LAMB4: variants seen among roughly 807,000 people sequenced by gnomAD.
LAMB4 encodes laminin subunit beta-4.
LAMB4 carries 196 observed loss-of-function variants against 199.2 expected under a neutral mutation model. The observed-to-expected ratio is 0.98, with a 90% CI of 0.88 to 1.11. LAMB4 has a LOEUF of 1.11. LAMB4 is among the 50% of genes least tolerant of loss of function. The probability of loss-of-function intolerance (pLI) is 0.00; values close to 1 mark genes in which losing one functional copy is unlikely to be tolerated. For synonymous variants in LAMB4, 744 were observed against 770.6 expected, an observed-to-expected ratio of 0.97 and a Z score of 0.57; for missense variants, 2,080 against 2,171.2, an observed-to-expected ratio of 0.96 and a Z score of 0.83.
At position 108,104,569 on chromosome 7, in the gene LAMB4, C is replaced by G. The variant is rs778916207; in HGVS notation, c.921G>C (p.Glu307Asp). 1.2e-6 allele frequency: 2 copies of G among 1,614,238 alleles called. No individual in the cohort carries two copies. The highest frequency in any genetic ancestry group is 1.7e-6 in the Non-Finnish European group (2 of 1,180,044). ...CQHNTDGPNCERCKDFFQDAP... is the reference protein window; with the variant it reads ...CQHNTDGPNCDRCKDFFQDAP... ...CATCCTGGAAGAAGTCCTTGCATCT[C>G]TCACAGTTCGGACCATCTGTATTGT... The change falls in exon 9 of 34, where the codon GAG (glutamate) becomes GAC (aspartate). Residue 307 changes from glutamate (E) to aspartate (D), a missense_variant. Coordinates refer to ENST00000388781, the MANE Select transcript of LAMB4 (RefSeq NM_007356.3).
chr7:108,067,582 G>C (rs1188636765), intron 19 of LAMB4, among the ~76,000 whole-genome samples: 1 of 152,208 alleles, frequency 6.6e-6, no homozygotes, highest in African/African-American at 2.4e-5. Context: ...CTCATTGGGA[G>C]AAGTCTTGTC....
intron 6 of LAMB4, among the ~76,000 whole-genome samples, chr7:108,106,883 C>CAGAAGAGACCCTGATCTTACA (rs1221523741): frequency 6.6e-6 from 1 of 152,136 alleles, no homozygotes; most frequent in African/African-American, 2.4e-5. Flanking sequence ...TGCACTCTTA[C>CAGAAGAGACCCTGATCTTACA]AGAAGAGACC....
chr7:108,031,663 AT>A (rs1026200593), intron 31 of LAMB4, among the ~76,000 whole-genome samples: 48 of 152,154 alleles, frequency 3.2e-4, no homozygotes, highest in African/African-American at 1.0e-3. Flanking sequence ...CTGCAAGTTG[AT>A]TTTCTAAAAT....
At chr7:108,025,469 C>T (rs1369233268) in intron 33 of LAMB4, among the ~76,000 whole-genome samples, 9 of 138,708 alleles carry the variant, frequency 6.5e-5, no homozygotes, top group African/African-American at 2.8e-4. Context: ...GCTCTTGTTG[C>T]CCAGGCTGGA....
the LAMB4 span, among the ~76,000 whole-genome samples, chr7:108,014,604 T>A: frequency 2.0e-5 from 3 of 152,224 alleles, no homozygotes; most frequent in African/African-American, 7.2e-5. Flanking sequence ...ATTTATTTGC[T>A]GTATACAATG....
At chr7:108,114,196 C>T (rs935646599) in intron 3 of LAMB4, among the ~76,000 whole-genome samples, 5 of 152,072 alleles carry the variant, frequency 3.3e-5, no homozygotes, top group African/African-American at 4.8e-5. Flanking sequence ...CTGAGGCAGA[C>T]GGATCACTTT....
At chr7:108,072,155 TC>T (rs984892419) in intron 17 of LAMB4, among the ~76,000 whole-genome samples, 3 of 152,186 alleles carry the variant, frequency 2.0e-5, no homozygotes, top group African/African-American at 7.2e-5. Flanking sequence ...TTTTGAAAGT[TC>T]CATTGGATAT....
chr7:108,107,578 T>A, intron 6 of LAMB4, 53 bp downstream of exon 6: 1 of 1,362,606 alleles, frequency 7.3e-7, no homozygotes, highest in Non-Finnish European at 1.0e-6. Flanking sequence ...AAGTTAATTA[T>A]ACTTTTTAAA....
rs1252073628 is a variant in LAMB4 at position 108,107,774 on chromosome 7, C to T, written c.448G>A (p.Gly150Arg). ...AMLVERSTDY[G>R]HNWKVFKYFA... is the part of the protein sequence containing the mutation. ...TATTTGAACACTTTCCAGTTGTGTCCATAGTCTGTGGAACGTTCAACTAAC... is the reference window on the plus strand; with the variant it reads ...TATTTGAACACTTTCCAGTTGTGTCTATAGTCTGTGGAACGTTCAACTAAC... The change falls in exon 6 of 34, where the codon GGA becomes AGA. Residue 150 changes from glycine (G) to arginine (R), a missense_variant. Transcript: ENST00000388781. 3 of 1,611,450 alleles carry T rather than the reference C, an allele frequency of 1.9e-6. No individual in the cohort carries two copies. The highest frequency in any genetic ancestry group is 2.7e-5 in the African/African-American group (2 of 74,758).
intron 5 of LAMB4, 45 bp downstream of exon 5, chr7:108,109,126 T>C (rs2038127879): frequency 1.5e-6 from 2 of 1,353,734 alleles, no homozygotes; most frequent in East Asian, 2.3e-5. Flanking sequence ...CACTGAGCAT[T>C]TAGGGAATAG....
rs370747999 is a variant in LAMB4, at chr7:108,068,026, G to A, written c.2436C>T (p.His812=). Residue 812 remains histidine, a synonymous_variant, in exon 19 of 34, where the codon CAC becomes CAT. Coordinates refer to ENST00000388781, the MANE Select transcript of LAMB4 (RefSeq NM_007356.3). ...CSTGSYDLGH[H]GCHPCHCHPQ... ...TGTTTTGCTACGTACGGTGACAGCC[G>A]TGATGCCCCAAATCATAGCTTCCAG... 118 of 1,614,044 alleles carry A rather than the reference G, an allele frequency of 7.3e-5. No individual in the cohort carries two copies. Among genetic ancestry groups the A allele is most frequent in the African/African-American group, 2.3e-4 (17 of 74,920 alleles).
intron 17 of LAMB4, among the ~76,000 whole-genome samples, chr7:108,071,784 C>A (rs1584683696): frequency 6.6e-6 from 1 of 152,222 alleles, no homozygotes; most frequent in African/African-American, 2.4e-5. Flanking sequence ...ACAGTGGCAG[C>A]TGAACAGATG....
chr7:108,047,029 A>G (rs1386483019), intron 28 of LAMB4, among the ~76,000 whole-genome samples: 1 of 152,008 alleles, frequency 6.6e-6, no homozygotes, highest in Non-Finnish European at 1.5e-5. Context: ...GGCCTCCCAA[A>G]GTGCTAGGAT....
intron 10 of LAMB4, among the ~76,000 whole-genome samples, chr7:108,099,204 T>C (rs970709609): frequency 6.6e-6 from 1 of 152,144 alleles, no homozygotes; most frequent in Non-Finnish European, 1.5e-5. Context: ...CTTGGTTTTG[T>C]TGGGGGGAAA....
At chr7:108,105,473 A>T (rs556636198) in intron 8 of LAMB4, among the ~76,000 whole-genome samples, 2 of 152,236 alleles carry the variant, frequency 1.3e-5, no homozygotes, top group Non-Finnish European at 2.9e-5. Flanking sequence ...GTTGGCAAAA[A>T]CAGCACTTTT....
At chr7:108,050,338 T>G (rs150994506) in intron 26 of LAMB4, among the ~76,000 whole-genome samples, 18 of 152,324 alleles carry the variant, frequency 1.2e-4, no homozygotes, top group African/African-American at 4.1e-4. Context: ...ATGATCATAT[T>G]CATTTTCAAA....
intron 19 of LAMB4, among the ~76,000 whole-genome samples, chr7:108,067,437 T>C (rs990460259): frequency 1.3e-5 from 2 of 152,256 alleles, no homozygotes; most frequent in Non-Finnish European, 2.9e-5. Context: ...GAGAGAACTA[T>C]ATACCTGAAC....
intron 1 of LAMB4, among the ~76,000 whole-genome samples, chr7:108,129,409 A>G (rs1299077988): frequency 2.6e-5 from 4 of 152,252 alleles, no homozygotes; most frequent in Non-Finnish European, 5.9e-5. Flanking sequence ...GACAGTTCTC[A>G]GAAATCTTGT....
chr7:108,101,925 A>G (rs1001067790), intron 10 of LAMB4, among the ~76,000 whole-genome samples: 1 of 152,250 alleles, frequency 6.6e-6, no homozygotes. Context: ...TGATAAAACA[A>G]AGATAGCAAA....
Sources: gnomAD v4.1 joint callset for allele counts (sites outside exome capture counted in the v4.1 genomes callset) on GRCh38, gnomAD v4.1.1 for gene constraint, MANE v1.5 for transcripts, NCBI Gene and HGNC (gene_info 2026-07-23, HGNC 2026-07-21) for gene names.